The following PELO variants were observed in gnomAD, a reference collection of about 807,000 sequenced individuals.
The protein encoded by PELO is protein pelota homolog.
PELO carries 19 observed loss-of-function variants against 25.9 expected under a neutral mutation model. The ratio of observed to expected loss-of-function variants is 0.73; its 90% CI spans 0.51 to 1.08. The LOEUF (loss-of-function observed/expected upper bound fraction) is 1.08, where lower values mean the gene tolerates loss of function less well. Ranked by LOEUF, PELO falls within the 50% of genes least tolerant of loss-of-function variation. The pLI is 0.00. For synonymous variants in PELO, 196 were observed against 192.2 expected, an observed-to-expected ratio of 1.02 and a Z score of -0.16; for missense variants, 498 against 491.4, an observed-to-expected ratio of 1.01 and a Z score of -0.13.
intron 1 of PELO, among the ~76,000 whole-genome samples, chr5:52,796,931 C>G (rs564075019): frequency 6.6e-6 from 1 of 151,894 alleles, no homozygotes; most frequent in Non-Finnish European, 1.5e-5. Context: ...AGGTAGCAAA[C>G]GAGAAAGTTC....
chr5:52,801,891 T>A lies in PELO; in HGVS notation c.*51T>A. The A allele has an allele frequency of 7.4e-7, 1 of 1,355,232 alleles. No homozygotes were observed. Among genetic ancestry groups the A allele is most frequent in the Non-Finnish European group, 1.0e-6 (1 of 996,360 alleles). The allele number at this position is 1,355,232 out of a possible 1,614,324, so 84.0% of individuals were successfully genotyped here. Reference sequence around the variant, plus strand: ...TCTTGTGTTTCCTAAACTGTTACAGTACATTTCTCAGCATCCTTGTGACAG... The same window carrying A: ...TCTTGTGTTTCCTAAACTGTTACAGAACATTTCTCAGCATCCTTGTGACAG... On this transcript the variant is annotated 3_prime_UTR_variant, in exon 3 of 3. Transcript: ENST00000274311.
At chr5:52,789,379 A>G (rs1029411849) in intron 1 of PELO, among the ~76,000 whole-genome samples, 2 of 152,190 alleles carry the variant, frequency 1.3e-5, no homozygotes, top group Non-Finnish European at 2.9e-5. Context: ...TACTGCTGGC[A>G]TGGTTATTAG....
At chr5:52,788,564 C>A in intron 1 of PELO, 150 bp downstream of exon 1, 1 of 590,132 alleles carries the variant, frequency 1.7e-6, no homozygotes, top group Non-Finnish European at 2.7e-6. Flanking sequence ...GGCTACGGGG[C>A]AGGCAGGAGT....
intron 1 of PELO, among the ~76,000 whole-genome samples, chr5:52,793,008 T>C (rs2111643794): frequency 6.6e-6 from 1 of 152,178 alleles, no homozygotes; most frequent in East Asian, 1.9e-4. Flanking sequence ...TACTCTAAAG[T>C]CTCCTTGGGG....
At chr5:52,788,877 CT>C (rs576011764) in intron 1 of PELO, among the ~76,000 whole-genome samples, 1 of 151,928 alleles carries the variant, frequency 6.6e-6, no homozygotes, top group African/African-American at 2.4e-5. Context: ...ACTATTTAGG[CT>C]TTTTTCCCAT....
Position 52,788,273 on chromosome 5 carries a change from C to A in PELO, c.-652C>A. ...GGAACCGCGGCAGCGGGATAAGTGG[C>A]CCAGCCAGAGAGCGCAGCTCCCGCG... On this transcript the variant is annotated 5_prime_UTR_variant, in exon 1 of 3. Transcript: ENST00000274311. The A allele has an allele frequency of 1.7e-6, 2 of 1,149,404 alleles. No homozygotes were observed. The highest frequency in any genetic ancestry group is 2.3e-6 in the Non-Finnish European group (2 of 863,030). 71.2% of individuals were successfully genotyped at this position (1,149,404 alleles called of 1,614,324 possible). A position where few individuals can be genotyped will look rare whatever the true frequency, so the allele number is the denominator to read the frequency against.
chr5:52,788,151 T>C lies in PELO; in HGVS notation c.-774T>C, dbSNP rs1389021961. 4.4e-6 allele frequency: 2 copies of C among 451,906 alleles called. No individual in the cohort carries two copies. Among genetic ancestry groups the C allele is most frequent in the African/African-American group, 4.1e-5 (2 of 48,590 alleles). The allele number at this position is 451,906 out of a possible 1,614,324, so 28.0% of individuals were successfully genotyped here. ...GCGATGTGGCAATCCGTCTGGGATGTGAAAAGCGTGGAGCGCATTTAGAGG... is the reference window on the plus strand; with the variant it reads ...GCGATGTGGCAATCCGTCTGGGATGCGAAAAGCGTGGAGCGCATTTAGAGG... On this transcript the variant is annotated 5_prime_UTR_variant, in exon 1 of 3. It removes the in-frame stop codon of an upstream open reading frame in the 5' UTR. Coordinates refer to ENST00000274311, the MANE Select transcript of PELO (RefSeq NM_015946.5).
intron 1 of PELO, among the ~76,000 whole-genome samples, chr5:52,795,009 T>C (rs762504993): frequency 3.3e-5 from 5 of 152,032 alleles, no homozygotes; most frequent in Non-Finnish European, 7.4e-5. Flanking sequence ...AATATTGAAA[T>C]AGGCTTATAC....
Position 52,801,507 on chromosome 5 carries a change from C to G in PELO, c.825C>G (p.Val275=). The G allele has an allele frequency of 6.8e-6, 11 of 1,614,138 alleles. No homozygotes were observed. The highest frequency in any genetic ancestry group is 9.3e-6 in the Non-Finnish European group (11 of 1,179,988). The change falls in exon 3 of 3, where the codon GTC becomes GTG. Residue 275 remains valine (V), a synonymous_variant. Coordinates refer to ENST00000274311, the MANE Select transcript of PELO (RefSeq NM_015946.5). ...RLSDTKAAGE[V]KALDDFYKML... is the part of the protein sequence containing the mutation. Reference sequence around the variant, plus strand: ...CAGACACTAAAGCTGCTGGGGAAGTCAAAGCCTTGGATGACTTCTATAAAA... The same window carrying G: ...CAGACACTAAAGCTGCTGGGGAAGTGAAAGCCTTGGATGACTTCTATAAAA...
In PELO at chr5:52,802,080, A is replaced by G. The variant is rs1748500488; in HGVS notation, c.*240A>G. The G allele has an allele frequency of 2.4e-6, 1 of 423,734 alleles. No homozygotes were observed. Among genetic ancestry groups the G allele is most frequent in the Non-Finnish European group, 4.2e-6 (1 of 235,906 alleles). The allele number at this position is 423,734 out of a possible 1,614,324, so 26.2% of individuals were successfully genotyped here. A position where few individuals can be genotyped will look rare whatever the true frequency, so the allele number is the denominator to read the frequency against. On this transcript the variant is annotated 3_prime_UTR_variant, in exon 3 of 3. Transcript: ENST00000274311. ...TTAAATTGTGTAATTTTTTATAGGA[A>G]TTATGAGTTATCTGTAGTACTTGGA...
At chr5:52,796,162 GA>G (rs1748337888) in intron 1 of PELO, among the ~76,000 whole-genome samples, 1 of 151,940 alleles carries the variant, frequency 6.6e-6, no homozygotes. Context: ...TTGGGTTCCA[GA>G]GAGACTGAGT....
intron 2 of PELO, 21 bp downstream of exon 2, chr5:52,801,141 G>A (rs1252901897): frequency 1.9e-6 from 3 of 1,572,250 alleles, no homozygotes; most frequent in Non-Finnish European, 2.6e-6. Context: ...CTTACCCAGG[G>A]ATAATTAAGA....
At chr5:52,791,041 C>T (rs938253001) in intron 1 of PELO, among the ~76,000 whole-genome samples, 1 of 152,122 alleles carries the variant, frequency 6.6e-6, no homozygotes, top group South Asian at 2.1e-4. Flanking sequence ...AACAAGCCAC[C>T]AGCATCCCAA....
intron 1 of PELO, among the ~76,000 whole-genome samples, chr5:52,789,027 G>A (rs1421480866): frequency 6.6e-6 from 1 of 152,168 alleles, no homozygotes; most frequent in Admixed American, 6.5e-5. Flanking sequence ...ATATCACAGG[G>A]CAGTCTACTT....
Position 52,801,627 on chromosome 5 carries a change from T to C in PELO, c.945T>C (p.Asp315=), listed in dbSNP as rs1404506572. 1.2e-6 allele frequency: 2 copies of C among 1,614,174 alleles called. No individual in the cohort carries two copies. Among genetic ancestry groups the C allele is most frequent in the Non-Finnish European group, 1.7e-6 (2 of 1,179,994 alleles). ...CAATTGACACATTGCTCATCAGCGATGAGCTCTTCAGGCATCAGGATGTAG... is the reference window on the plus strand; with the variant it reads ...CAATTGACACATTGCTCATCAGCGACGAGCTCTTCAGGCATCAGGATGTAG... The part of the protein sequence containing the change: ...AMAIDTLLIS[D]ELFRHQDVAT... The change falls in exon 3 of 3, where the codon GAT becomes GAC. Residue 315 remains aspartate, a synonymous_variant. Coordinates refer to ENST00000274311, the MANE Select transcript of PELO (RefSeq NM_015946.5).
At chr5:52,798,848 C>T (rs1278464081) in intron 1 of PELO, among the ~76,000 whole-genome samples, 2 of 152,156 alleles carry the variant, frequency 1.3e-5, no homozygotes, top group Non-Finnish European at 2.9e-5. Flanking sequence ...CTGAGAATTT[C>T]CTTGTGGGCA....
Position 52,801,950 on chromosome 5 carries a change from A to G in PELO, c.*110A>G. The G allele has an allele frequency of 2.7e-6, 2 of 753,288 alleles. No homozygotes were observed. Among genetic ancestry groups the G allele is most frequent in the South Asian group, 3.8e-5 (2 of 52,232 alleles). 46.7% of individuals were successfully genotyped at this position (753,288 alleles called of 1,614,324 possible). ...AAGAATGGCACTTTTTGATTCATAC[A>G]GGGATTTCTTATGTCTTTGGCTACA... On this transcript the variant is annotated 3_prime_UTR_variant, in exon 3 of 3. Transcript: ENST00000274311.
At position 52,792,655 on chromosome 5, in the gene PELO, C is replaced by T. The variant is rs532565986; in HGVS notation, c.-511+4241C>T. Among the ~76,000 whole-genome samples, 6 of 152,214 alleles carry T rather than the reference C, an allele frequency of 3.9e-5. 1 individual carries two copies. In the South Asian group the frequency reaches 1.0e-3, roughly 26 times the overall value. On this transcript the variant is annotated intron_variant, in intron 1 of 2. Coordinates refer to ENST00000274311, the MANE Select transcript of PELO (RefSeq NM_015946.5). ...ACTAGATTTAGAACTTGCTGAATTT[C>T]CACATCTTAACATATTTTAGTAGAA...
intron 1 of PELO, 119 bp downstream of exon 1, chr5:52,788,533 G>C (rs1324522772): frequency 3.9e-6 from 3 of 770,856 alleles, no homozygotes; most frequent in Non-Finnish European, 5.7e-6. Context: ...CCACTTTCGG[G>C]CATTCCAGGT....
Sources: gnomAD v4.1 joint callset for allele counts (sites outside exome capture counted in the v4.1 genomes callset) on GRCh38, gnomAD v4.1.1 for gene constraint, MANE v1.5 for transcripts, NCBI Gene and HGNC (gene_info 2026-07-23, HGNC 2026-07-21) for gene names.